Variants in ADAMTSL1 observed in about 807,000 individuals in gnomAD.
The protein encoded by ADAMTSL1 is ADAMTS-like protein 1.
Under a neutral mutation model 201.8 loss-of-function variants are expected in ADAMTSL1, and 126 were observed. That is an observed-to-expected ratio of 0.62 (90% CI 0.54 to 0.72). ADAMTSL1 has a LOEUF of 0.72. Among genes scored for constraint, ADAMTSL1 ranks in the 30% least tolerant of loss-of-function variants. The probability of loss-of-function intolerance (pLI) is 0.00; values close to 1 mark genes in which losing one functional copy is unlikely to be tolerated. For missense variants in ADAMTSL1, 2,679 were observed against 2,277.8 expected, an observed-to-expected ratio of 1.18 and a Z score of -3.59; for synonymous variants, 1,121 against 903.4, an observed-to-expected ratio of 1.24 and a Z score of -4.32.
At chr9:18,243,110 G>A (rs1362602229) in intron 2 of ADAMTSL1, among the ~76,000 whole-genome samples, 1 of 152,070 alleles carries the variant, frequency 6.6e-6, no homozygotes. Flanking sequence ...AATCAAAACA[G>A]TACGGTACTG....
At chr9:18,131,268 T>C (rs919012471) in intron 1 of ADAMTSL1, among the ~76,000 whole-genome samples, 2 of 152,196 alleles carry the variant, frequency 1.3e-5, no homozygotes, top group African/African-American at 4.8e-5. Flanking sequence ...GTATAGTAGG[T>C]CACTTGGGGA....
Position 18,635,599 on chromosome 9 carries a change from T to C in ADAMTSL1, c.602-344T>C, listed in dbSNP as rs145521726. Reference sequence around the variant, plus strand: ...TGTAATAAATTCATCCTTTAAACATTATAATGTATTTTTATGTTTTAATTC... The same window carrying C: ...TGTAATAAATTCATCCTTTAAACATCATAATGTATTTTTATGTTTTAATTC... On this transcript the variant is annotated intron_variant, in intron 5 of 28. Transcript: ENST00000380548. 2.3e-3 allele frequency among the ~76,000 whole-genome samples: 348 copies of C among 152,284 alleles called. 3 individuals are homozygous for C. Among genetic ancestry groups the C allele is most frequent in the African/African-American group, 7.7e-3 (320 of 41,574 alleles).
chr9:18,203,602 A>G (rs1057412597), intron 2 of ADAMTSL1, among the ~76,000 whole-genome samples: 4 of 152,004 alleles, frequency 2.6e-5, no homozygotes, highest in African/African-American at 9.7e-5. Context: ...AGTTGATTAT[A>G]TAGTTTATGT....
At chr9:18,489,168 C>G (rs1822144875) in intron 1 of ADAMTSL1, among the ~76,000 whole-genome samples, 1 of 152,132 alleles carries the variant, frequency 6.6e-6, no homozygotes, top group South Asian at 2.1e-4. Context: ...AATCACTGAT[C>G]TAATTGAATA....
At chr9:18,514,327 CTT>C (rs397963773) in intron 2 of ADAMTSL1, among the ~76,000 whole-genome samples, 1 of 100,088 alleles carries the variant, frequency 1.0e-5, no homozygotes, top group East Asian at 2.7e-4. Flanking sequence ...ATTTTTCTTT[CTT>C]TTTTTTTTTT....
At chr9:18,246,956 A>G (rs1021147198) in intron 2 of ADAMTSL1, among the ~76,000 whole-genome samples, 2 of 151,956 alleles carry the variant, frequency 1.3e-5, no homozygotes, top group Non-Finnish European at 1.5e-5. Context: ...CAATTCAGGA[A>G]CTCCTAACCT....
chr9:18,176,252 A>T (rs1328066307), intron 2 of ADAMTSL1, among the ~76,000 whole-genome samples: 1 of 152,112 alleles, frequency 6.6e-6, no homozygotes, highest in Non-Finnish European at 1.5e-5. Context: ...AATATGTTTG[A>T]CACTACTTTG....
chr9:18,675,760 T>G, intron 9 of ADAMTSL1, 97 bp from the exon 10 acceptor site: 1 of 1,038,018 alleles, frequency 9.6e-7, no homozygotes. Context: ...AATGTTATTT[T>G]GCATTTGTAT....
At chr9:18,693,121 A>G (rs1831333859) in intron 13 of ADAMTSL1, among the ~76,000 whole-genome samples, 1 of 152,216 alleles carries the variant, frequency 6.6e-6, no homozygotes, top group Non-Finnish European at 1.5e-5. Context: ...TCTCTAACCT[A>G]GGAACAGTTC....
At chr9:18,169,603 A>G (rs1308100826) in intron 2 of ADAMTSL1, among the ~76,000 whole-genome samples, 3 of 152,148 alleles carry the variant, frequency 2.0e-5, no homozygotes, top group Non-Finnish European at 4.4e-5. Context: ...TGACTTGGCG[A>G]TGCGGGCTCT....
chr9:18,382,563 T>C (rs1485154350), intron 2 of ADAMTSL1, among the ~76,000 whole-genome samples: 2 of 152,004 alleles, frequency 1.3e-5, no homozygotes, highest in South Asian at 4.2e-4. Context: ...TACTGGCACA[T>C]GGAGTCTTCG....
intron 1 of ADAMTSL1, among the ~76,000 whole-genome samples, chr9:18,033,374 G>A (rs552231411): frequency 1.3e-5 from 2 of 152,184 alleles, no homozygotes; most frequent in East Asian, 3.9e-4. Flanking sequence ...CATATAATCT[G>A]TGTCAATTAA....
chr9:18,850,375 A>G (rs1421610202), intron 23 of ADAMTSL1, among the ~76,000 whole-genome samples: 4 of 152,222 alleles, frequency 2.6e-5, no homozygotes. Context: ...ACAGCCCTTG[A>G]GAATATCTAC....
chr9:18,716,903 C>T (rs1832979056), intron 14 of ADAMTSL1, among the ~76,000 whole-genome samples: 1 of 138,564 alleles, frequency 7.2e-6, no homozygotes, highest in Non-Finnish European at 1.6e-5. Flanking sequence ...GAATACTATG[C>T]AGCCATAAAA....
intron 2 of ADAMTSL1, among the ~76,000 whole-genome samples, chr9:18,455,120 C>G (rs1217333443): frequency 6.6e-6 from 1 of 152,072 alleles, no homozygotes; most frequent in Non-Finnish European, 1.5e-5. Context: ...ACTGTTTAGT[C>G]CATCAAGTTA....
intron 14 of ADAMTSL1, chr9:18,718,178 C>G: frequency 3.8e-6 from 3 of 797,542 alleles, no homozygotes; most frequent in Non-Finnish European, 6.9e-6. Flanking sequence ...CCAAGTCATA[C>G]TTATTACCAA....
chr9:18,886,591 G>C (rs1828917220), intron 23 of ADAMTSL1, among the ~76,000 whole-genome samples: 1 of 152,156 alleles, frequency 6.6e-6, no homozygotes, highest in Non-Finnish European at 1.5e-5. Flanking sequence ...CCGCAGATTT[G>C]ATATCGGTGA....
intron 14 of ADAMTSL1, among the ~76,000 whole-genome samples, chr9:18,719,719 G>A (rs79078665): frequency 3.3e-4 from 50 of 152,248 alleles, no homozygotes; most frequent in Non-Finnish European, 6.0e-4. Context: ...AAGAAGAAAG[G>A]TGATTTGGAC....
intron 1 of ADAMTSL1, among the ~76,000 whole-genome samples, chr9:17,953,258 C>G (rs1017067661): frequency 2.6e-5 from 4 of 152,118 alleles, no homozygotes; most frequent in Non-Finnish European, 4.4e-5. Flanking sequence ...ATGCTTTATG[C>G]CTGGTGGATA....
Sources: gnomAD v4.1 joint callset for allele counts (sites outside exome capture counted in the v4.1 genomes callset) on GRCh38, gnomAD v4.1.1 for gene constraint, MANE v1.5 for transcripts, NCBI Gene and HGNC (gene_info 2026-07-23, HGNC 2026-07-21) for gene names.